Variants in LRBA observed in about 807,000 individuals in gnomAD.
LRBA encodes lipopolysaccharide-responsive and beige-like anchor protein.
A neutral mutation model predicts 330.0 loss-of-function variants in LRBA; 176 were observed. The observed-to-expected ratio is 0.53, with a 90% confidence interval of 0.47 to 0.60. The LOEUF (loss-of-function observed/expected upper bound fraction) is 0.60. Among genes scored for constraint, LRBA ranks in the 20% least tolerant of loss-of-function variants. The probability of loss-of-function intolerance (pLI) is 0.00; values close to 1 mark genes in which losing one functional copy is unlikely to be tolerated. For missense variants in LRBA, 3,259 were observed against 3,444.8 expected (o/e 0.95, Z 1.35); for synonymous variants, 1,230 against 1,193.0 (o/e 1.03, Z -0.64).
intron 4 of LRBA, among the ~76,000 whole-genome samples, chr4:150,925,832 T>A (rs978271567): frequency 6.6e-6 from 1 of 152,192 alleles, no homozygotes; most frequent in Admixed American, 6.5e-5. Context: ...ATCAAATATA[T>A]ACTTTCTCTT....
intron 42 of LRBA, among the ~76,000 whole-genome samples, chr4:150,487,070 C>T (rs147933701): frequency 9.8e-4 from 148 of 151,732 alleles, no homozygotes; most frequent in Middle Eastern, 6.8e-3. Context: ...TGTATCTTGG[C>T]TATTGGGAGT....
At chr4:150,297,522 G>A (rs1438794682) in intron 53 of LRBA, among the ~76,000 whole-genome samples, 3 of 152,226 alleles carry the variant, frequency 2.0e-5, no homozygotes, top group African/African-American at 7.2e-5. Context: ...CAGGGTAGCT[G>A]TAGTGTGACA....
chr4:150,480,389 T>C (rs777268142), intron 42 of LRBA, among the ~76,000 whole-genome samples: 17 of 152,088 alleles, frequency 1.1e-4, no homozygotes, highest in Non-Finnish European at 2.1e-4. Context: ...AGGCTACACA[T>C]ACAGGTTTTA....
intron 44 of LRBA, among the ~76,000 whole-genome samples, chr4:150,447,973 A>G (rs1326072486): frequency 6.6e-6 from 1 of 152,182 alleles, no homozygotes; most frequent in African/African-American, 2.4e-5. Context: ...AATGCACTAG[A>G]CAATTCACAG....
chr4:150,770,512 C>G (rs1006730502), intron 34 of LRBA, among the ~76,000 whole-genome samples: 10 of 151,498 alleles, frequency 6.6e-5, no homozygotes, highest in African/African-American at 2.2e-4. Context: ...ATATTATAAA[C>G]TCAATACATC....
At chr4:150,278,470 T>A (rs1449838196) in intron 55 of LRBA, among the ~76,000 whole-genome samples, 1 of 39,166 alleles carries the variant, frequency 2.6e-5, no homozygotes, top group South Asian at 1.2e-3. Context: ...TCCCTGAGCC[T>A]GCTGGATTTT....
At chr4:150,777,057 T>C (rs1737446292) in intron 34 of LRBA, among the ~76,000 whole-genome samples, 1 of 132,888 alleles carries the variant, frequency 7.5e-6, no homozygotes, top group Admixed American at 8.1e-5. Flanking sequence ...AGTCAGTTTT[T>C]TGAGGGGTTT....
chr4:150,826,242 T>C (rs1000714340), intron 30 of LRBA, among the ~76,000 whole-genome samples: 4 of 152,188 alleles, frequency 2.6e-5, no homozygotes, highest in Non-Finnish European at 4.4e-5. Context: ...GATGAGTTCC[T>C]AGACATCAAG....
At chr4:150,986,637 G>C (rs1489524190) in intron 2 of LRBA, among the ~76,000 whole-genome samples, 1 of 152,112 alleles carries the variant, frequency 6.6e-6, no homozygotes, top group Admixed American at 6.5e-5. Context: ...ACAAATCAAA[G>C]CCATCATGCT....
chr4:150,997,449 T>A (rs1350739668), intron 2 of LRBA, among the ~76,000 whole-genome samples: 4 of 152,188 alleles, frequency 2.6e-5, no homozygotes, highest in African/African-American at 9.7e-5. Flanking sequence ...TTAAAGATAG[T>A]ATAATTCACT....
intron 39 of LRBA, among the ~76,000 whole-genome samples, 174 bp downstream of exon 39, chr4:150,590,534 TGAATA>T (rs1362132390): frequency 6.6e-6 from 1 of 152,098 alleles, no homozygotes; most frequent in African/African-American, 2.4e-5. Flanking sequence ...GTAAGAAGAC[TGAATA>T]GAATAGAAAA....
chr4:150,611,737 T>TTTG (rs1461955043), intron 37 of LRBA, among the ~76,000 whole-genome samples: 3 of 152,158 alleles, frequency 2.0e-5, no homozygotes, highest in Non-Finnish European at 2.9e-5. Flanking sequence ...AGGGTCAGTA[T>TTTG]TTGTAAGTAA....
chr4:150,288,429 G>A (rs1748437146), intron 53 of LRBA, among the ~76,000 whole-genome samples: 1 of 152,060 alleles, frequency 6.6e-6, no homozygotes, highest in Non-Finnish European at 1.5e-5. Context: ...CCAACATGGT[G>A]AAACCCTGCC....
chr4:150,438,406 C>T (rs1751407616), intron 44 of LRBA, among the ~76,000 whole-genome samples: 1 of 152,002 alleles, frequency 6.6e-6, no homozygotes, highest in African/African-American at 2.4e-5. Context: ...TTACATGAGC[C>T]CAAGCACCTT....
At chr4:150,559,899 A>ATT (rs1768053101) in intron 40 of LRBA, among the ~76,000 whole-genome samples, 1 of 47,552 alleles carries the variant, frequency 2.1e-5, no homozygotes, top group Non-Finnish European at 3.9e-5. Flanking sequence ...ATATAATTAT[A>ATT]TATAATTATA....
chr4:150,978,186 CAG>C (rs1294243980), intron 2 of LRBA, among the ~76,000 whole-genome samples: 1 of 151,544 alleles, frequency 6.6e-6, no homozygotes. Flanking sequence ...TGGTTCAGCA[CAG>C]AGAGAGAGAG....
Position 150,533,791 on chromosome 4 carries a change from T to C in LRBA, c.6331-42756A>G, listed in dbSNP as rs534390963. 2.0e-5 allele frequency among the ~76,000 whole-genome samples: 3 copies of C among 152,138 alleles called. No individual in the cohort carries two copies. The East Asian group carries it at 5.8e-4, about 29-fold the overall frequency. On this transcript the variant is annotated intron_variant, in intron 40 of 56. Coordinates refer to ENST00000651943, the MANE Select transcript of LRBA (RefSeq NM_001364905.1). Reference sequence around the variant, plus strand: ...TTCCACTCAGACATTAGCTAATGAGTATTAATACTGAGTGCCTGAAATGAT... The same window carrying C: ...TTCCACTCAGACATTAGCTAATGAGCATTAATACTGAGTGCCTGAAATGAT...
chr4:150,451,784 G>T (rs1581356609), intron 44 of LRBA, among the ~76,000 whole-genome samples: 1 of 152,030 alleles, frequency 6.6e-6, no homozygotes, highest in East Asian at 1.9e-4. Context: ...GGGAGAAAAA[G>T]AAGTAAATGC....
intron 47 of LRBA, among the ~76,000 whole-genome samples, chr4:150,370,631 C>A (rs539281377): frequency 6.6e-6 from 1 of 152,220 alleles, no homozygotes; most frequent in East Asian, 1.9e-4. Context: ...GGAAGTCTAA[C>A]ATAAAAGTGA....
Sources: gnomAD v4.1 joint callset for allele counts (sites outside exome capture counted in the v4.1 genomes callset) on GRCh38, gnomAD v4.1.1 for gene constraint, MANE v1.5 for transcripts, NCBI Gene and HGNC (gene_info 2026-07-23, HGNC 2026-07-21) for gene names.